The following BOD1L1 variants were observed in gnomAD, a reference collection of about 807,000 sequenced individuals.
The protein encoded by BOD1L1 is biorientation of chromosomes in cell division protein 1-like 1.
In BOD1L1, 86 loss-of-function variants were observed where a neutral mutation model predicts 240.7. The ratio of observed to expected loss-of-function variants is 0.36; its 90% CI spans 0.30 to 0.43. The LOEUF (loss-of-function observed/expected upper bound fraction) is 0.43, where lower values mean the gene tolerates loss of function less well. Among genes scored for constraint, BOD1L1 ranks in the 20% least tolerant of loss-of-function variants. The probability of loss-of-function intolerance (pLI) is 1.00; values close to 1 mark genes in which losing one functional copy is unlikely to be tolerated. For synonymous variants in BOD1L1, 1,268 were observed against 1,272.3 expected (o/e 1.00, Z 0.07); for missense variants, 3,554 against 3,643.5 (o/e 0.98, Z 0.63).
chr4:13,575,121 A>G (rs1194914094), intron 25 of BOD1L1, among the ~76,000 whole-genome samples: 1 of 151,868 alleles, frequency 6.6e-6, no homozygotes, highest in East Asian at 1.9e-4. Context: ...GGGTTTCACC[A>G]TATTGGCCAG....
At chr4:13,583,994 GT>G (rs1202226270) in intron 17 of BOD1L1, among the ~76,000 whole-genome samples, 1 of 152,154 alleles carries the variant, frequency 6.6e-6, no homozygotes, top group Non-Finnish European at 1.5e-5. Context: ...ACATAACTAG[GT>G]CCAAGACATG....
intron 9 of BOD1L1, 31 bp downstream of exon 9, chr4:13,607,086 G>T: frequency 7.2e-7 from 1 of 1,398,108 alleles, no homozygotes; most frequent in South Asian, 1.3e-5. Context: ...TAACAAAACA[G>T]CATTTGAAAT....
intron 25 of BOD1L1, among the ~76,000 whole-genome samples, chr4:13,570,603 G>A (rs937195151): frequency 2.0e-5 from 3 of 152,306 alleles, no homozygotes; most frequent in Middle Eastern, 3.4e-3. Context: ...GAAAAGGCAC[G>A]GGAATTTCAG....
intron 7 of BOD1L1, among the ~76,000 whole-genome samples, chr4:13,609,060 A>G (rs1400689390): frequency 1.3e-5 from 2 of 152,206 alleles, no homozygotes; most frequent in Admixed American, 6.5e-5. Context: ...AGAAAAATAT[A>G]CTGCTAACAA....
intron 22 of BOD1L1, chr4:13,577,970 C>A (rs1023936151): frequency 6.5e-5 from 12 of 183,612 alleles, no homozygotes; most frequent in Non-Finnish European, 9.0e-5. Context: ...GTGGCGTGAT[C>A]TTGGCTCAAT....
Position 13,600,422 on chromosome 4 carries a change from T to G in BOD1L1, c.6478A>C (p.Thr2160Pro). 6.2e-7 allele frequency: 1 copy of G among 1,613,932 alleles called. No individual in the cohort carries two copies. Among genetic ancestry groups the G allele is most frequent in the South Asian group, 1.1e-5 (1 of 91,078 alleles). The stretch of plus-strand genomic sequence containing the variant: ...AGACTTTCAGCACACTTGATGGTTG[T>G]TGCACTGGAGATAGGCAATTCGAAT... Reference protein sequence around the residue: ...EEFELPISSATTIKCAESLQP... With the variant: ...EEFELPISSAPTIKCAESLQP... The change falls in exon 10 of 26, where the codon ACA becomes CCA. Residue 2160 changes from threonine (T) to proline (P), a missense_variant. By Grantham distance (38) the Thr-to-Pro change is conservative (BLOSUM62 -1). Around this residue, in one of 2 missense-constraint regions of BOD1L1, gnomAD observed 3,393 missense variants for 3,427.1 expected, o/e 0.99. Transcript: ENST00000040738.
chr4:13,627,504 C>CGGCGGCGGT lies in BOD1L1; in HGVS notation c.75_83dup (p.Pro28_Pro30dup). On this transcript the variant is annotated inframe_insertion, in exon 1 of 26. Coordinates refer to ENST00000040738, the MANE Select transcript of BOD1L1 (RefSeq NM_148894.3). ...CGGGGCCAGCCCCGGGGCCCGGCGG[C>CGGCGGCGGT]GGCGGCGGTGGCTGCGGCTGCGGCT... 3.0e-6 allele frequency: 3 copies of CGGCGGCGGT among 1,011,084 alleles called. No individual in the cohort carries two copies. The highest frequency in any genetic ancestry group is 3.5e-6 in the Non-Finnish European group (3 of 847,434). 62.6% of individuals were successfully genotyped at this position (1,011,084 alleles called of 1,614,324 possible).
Position 13,600,178 on chromosome 4 carries a change from T to A in BOD1L1, c.6722A>T (p.Glu2241Val). The change falls in exon 10 of 26, where the codon GAG (glutamate) becomes GTG (valine). Residue 2241 changes from glutamate (E) to valine (V), a missense_variant. Coordinates refer to ENST00000040738, the MANE Select transcript of BOD1L1 (RefSeq NM_148894.3). Reference sequence around the variant, plus strand: ...TTCTTCCATGACTGTGCCAGCTCGCTCATTTTCACTTTCAACAACTACACC... The same window carrying A: ...TTCTTCCATGACTGTGCCAGCTCGCACATTTTCACTTTCAACAACTACACC... ...VSGVVVESEN[E>V]RAGTVMEEKD... 1 of 1,613,976 alleles carries A rather than the reference T, an allele frequency of 6.2e-7. No individual in the cohort carries two copies. Among genetic ancestry groups the A allele is most frequent in the Non-Finnish European group, 8.5e-7 (1 of 1,179,888 alleles).
intron 25 of BOD1L1, among the ~76,000 whole-genome samples, chr4:13,573,434 G>T (rs200727354): frequency 3.5e-5 from 2 of 57,038 alleles, no homozygotes; most frequent in Non-Finnish European, 4.8e-5. Flanking sequence ...CTGTCTGTCT[G>T]TCTGTCTGTC....
chr4:13,607,652 T>A (rs1440604457), intron 8 of BOD1L1, among the ~76,000 whole-genome samples: 1 of 152,194 alleles, frequency 6.6e-6, no homozygotes, highest in African/African-American at 2.4e-5. Flanking sequence ...ACATTTCAAT[T>A]TAAATCCTAT....
At position 13,602,359 on chromosome 4, in the gene BOD1L1, T is replaced by C; in HGVS notation, c.4541A>G (p.Lys1514Arg). 15 of 1,613,988 alleles carry C rather than the reference T, an allele frequency of 9.3e-6. No individual in the cohort carries two copies. Among genetic ancestry groups the C allele is most frequent in the Non-Finnish European group, 1.3e-5 (15 of 1,179,888 alleles). Residue 1514 changes from lysine to arginine, a missense_variant, in exon 10 of 26, where the codon AAG (lysine) becomes AGG (arginine). Coordinates refer to ENST00000040738, the MANE Select transcript of BOD1L1 (RefSeq NM_148894.3). The part of the protein sequence containing the change: ...DVATGPRRAE[K>R]TSVATSTEGK... ...TTCAGTACTAGTGGCAACAGAAGTC[T>C]TTTCTGCTCTCCTAGGCCCAGTTGC...
Position 13,601,796 on chromosome 4 carries a change from T to C in BOD1L1, c.5104A>G (p.Ile1702Val), listed in dbSNP as rs926822412. 2 of 1,613,932 alleles carry C rather than the reference T, an allele frequency of 1.2e-6. No homozygotes were observed. Among genetic ancestry groups the C allele is most frequent in the African/African-American group, 2.7e-5 (2 of 74,944 alleles). The change falls in exon 10 of 26, where the codon ATA becomes GTA. Residue 1702 changes from isoleucine to valine, a missense_variant. Coordinates refer to ENST00000040738, the MANE Select transcript of BOD1L1 (RefSeq NM_148894.3). The stretch of plus-strand genomic sequence containing the variant: ...GAGCCATCCACCTCTTCACTGCTTA[T>C]AGATCCTGCTCTTATCTCTGTTCCA... Reference protein sequence around the residue: ...SAGTEIRAGSISSEEVDGSQG... With the variant: ...SAGTEIRAGSVSSEEVDGSQG...
In BOD1L1 at chr4:13,581,191, A is replaced by G. The variant is rs994964643; in HGVS notation, c.8609T>C (p.Ile2870Thr). 1 of 1,568,206 alleles carries G rather than the reference A, an allele frequency of 6.4e-7. No homozygotes were observed. Among genetic ancestry groups the G allele is most frequent in the East Asian group, 2.3e-5 (1 of 43,336 alleles). Residue 2870 changes from isoleucine (I) to threonine (T), a missense_variant, in exon 20 of 26, where the codon ATT becomes ACT. Physicochemically the swap from Ile to Thr is moderately conservative, Grantham distance 89. Transcript: ENST00000040738. ...AGGTCTTCCTCTTTTCCTTTTAATAATTATTGGCTGATCTTCCTAAGGGGG... is the reference window on the plus strand; with the variant it reads ...AGGTCTTCCTCTTTTCCTTTTAATAGTTATTGGCTGATCTTCCTAAGGGGG... ...IKSQEEDQPI[I>T]IKRKRGRPRK... is the part of the protein sequence containing the mutation.
chr4:13,619,993 CG>C lies in BOD1L1; in HGVS notation c.317del (p.Pro106ArgfsTer8). 1 of 1,611,860 alleles carries C rather than the reference CG, an allele frequency of 6.2e-7. No individual in the cohort carries two copies. The highest frequency in any genetic ancestry group is 8.5e-7 in the Non-Finnish European group (1 of 1,178,808). On this transcript the variant is annotated frameshift_variant, in exon 2 of 26. Coordinates refer to ENST00000040738, the MANE Select transcript of BOD1L1 (RefSeq NM_148894.3). LOFTEE classifies it high-confidence loss of function. Reference protein sequence around the residue: ...ANHLATHTWSPHLNKNQLRNN... With the variant: ...ANHLATHTWSXHLNKNQLRNN... Reference sequence around the variant, plus strand: ...TTCTTAGCTGGTTCTTATTGAGATGCGGACTCCATGTGTGAGTTGCCAAGTG... The same window carrying C: ...TTCTTAGCTGGTTCTTATTGAGATGCGACTCCATGTGTGAGTTGCCAAGTG...
intron 15 of BOD1L1, 100 bp from the exon 16 acceptor site, chr4:13,587,871 G>A (rs13104252): frequency 0.63 from 506,121 of 798,528 alleles, 169,411 homozygotes; most frequent in East Asian, 0.96. Context: ...GGAATAAGTT[G>A]ATATATAAAT....
intron 14 of BOD1L1, among the ~76,000 whole-genome samples, chr4:13,590,087 G>A (rs1714074940): frequency 6.6e-6 from 1 of 152,196 alleles, no homozygotes; most frequent in African/African-American, 2.4e-5. Flanking sequence ...TCCACAGGGG[G>A]CTATTCGTTT....
chr4:13,615,578 T>C (rs1348714396), intron 2 of BOD1L1, 76 bp from the exon 3 acceptor site: 3 of 1,305,924 alleles, frequency 2.3e-6, no homozygotes, highest in African/African-American at 3.0e-5. Context: ...AATAACACTC[T>C]ACAATCTGTC....
chr4:13,577,555 T>C, intron 23 of BOD1L1, 27 bp downstream of exon 23: 1 of 1,587,914 alleles, frequency 6.3e-7, no homozygotes, highest in Non-Finnish European at 8.6e-7. Flanking sequence ...CTAAACAACA[T>C]ATCTTGATAA....
chr4:13,604,301 T>G lies in BOD1L1; in HGVS notation c.2599A>C (p.Arg867=). Residue 867 remains arginine (R), a synonymous_variant, in exon 10 of 26, where the codon AGA becomes CGA. Coordinates refer to ENST00000040738, the MANE Select transcript of BOD1L1 (RefSeq NM_148894.3). ...TTATCTTCCGAATAACTTTCACTTC[T>G]TCTCTGTAATGTGATACCATGTTGC... ...SKQHGITLQR[R]SESYSEDKCD... is the part of the protein sequence containing the mutation. The G allele has an allele frequency of 6.2e-7, 1 of 1,604,462 alleles. No individual in the cohort carries two copies. Among genetic ancestry groups the G allele is most frequent in the African/African-American group, 1.3e-5 (1 of 74,412 alleles).
Sources: allele counts gnomAD v4.1 joint callset (sites outside exome capture counted in the v4.1 genomes callset), GRCh38; gene constraint gnomAD v4.1.1; regional missense constraint gnomAD v4.1.1; transcripts MANE v1.5; gene names NCBI Gene and HGNC (gene_info 2026-07-23, HGNC 2026-07-21).